EEFSEC: variants seen among roughly 807,000 people sequenced by gnomAD.
EEFSEC encodes the protein eukaryotic elongation factor, selenocysteine-tRNA specific.
In EEFSEC, 43 loss-of-function variants were observed where a neutral mutation model predicts 42.1. The observed-to-expected ratio is 1.02, with a 90% CI of 0.80 to 1.32. EEFSEC has a LOEUF of 1.32. Among genes scored for constraint, EEFSEC ranks in the 40% most tolerant of loss-of-function variants. The pLI is 0.00. For missense variants in EEFSEC, 745 were observed against 803.6 expected, an observed-to-expected ratio of 0.93 and a Z score of 0.88; for synonymous variants, 354 against 339.1, an observed-to-expected ratio of 1.04 and a Z score of -0.48.
chr3:128,399,062 T>C (rs1011884851), intron 6 of EEFSEC, among the ~76,000 whole-genome samples: 1 of 151,316 alleles, frequency 6.6e-6, no homozygotes, highest in Non-Finnish European at 1.5e-5. Context: ...AATGGATTTG[T>C]TTTTTGCCTT....
intron 1 of EEFSEC, among the ~76,000 whole-genome samples, chr3:128,202,754 A>T (rs2065656047): frequency 6.6e-6 from 1 of 152,210 alleles, no homozygotes; most frequent in South Asian, 2.1e-4. Flanking sequence ...AAATCATTTC[A>T]TATTTCTCTA....
chr3:128,240,950 C>T (rs377074445), intron 1 of EEFSEC, among the ~76,000 whole-genome samples: 2 of 152,230 alleles, frequency 1.3e-5, no homozygotes, highest in African/African-American at 2.4e-5. Flanking sequence ...ATAAGGCTCT[C>T]GCCCTGGAGT....
intron 5 of EEFSEC, among the ~76,000 whole-genome samples, chr3:128,354,129 C>T (rs987658589): frequency 3.9e-5 from 6 of 152,098 alleles, no homozygotes; most frequent in Non-Finnish European, 8.8e-5. Flanking sequence ...AGGCAGAAGA[C>T]GCCAGCACTC....
intron 4 of EEFSEC, among the ~76,000 whole-genome samples, chr3:128,299,398 C>T (rs1265331717): frequency 6.6e-6 from 1 of 152,114 alleles, no homozygotes; most frequent in African/African-American, 2.4e-5. Flanking sequence ...GTCTTTTGCC[C>T]ATTATTCATC....
chr3:128,381,467 C>T (rs893370449), intron 6 of EEFSEC, among the ~76,000 whole-genome samples: 1 of 152,236 alleles, frequency 6.6e-6, no homozygotes, highest in Non-Finnish European at 1.5e-5. Context: ...GATGATGTCT[C>T]ATGAGGCAAG....
intron 5 of EEFSEC, among the ~76,000 whole-genome samples, chr3:128,346,077 CTG>C (rs2067309306): frequency 1.3e-5 from 2 of 152,332 alleles, no homozygotes; most frequent in African/African-American, 4.8e-5. Flanking sequence ...CCTCTGCAGA[CTG>C]TGTTTTTATT....
At chr3:128,250,814 A>G (rs1033385316) in intron 2 of EEFSEC, among the ~76,000 whole-genome samples, 1 of 151,142 alleles carries the variant, frequency 6.6e-6, no homozygotes, top group Non-Finnish European at 1.5e-5. Context: ...GAATCTGTAG[A>G]TCTCTTTGGG....
At chr3:128,216,381 G>C (rs114614525) in intron 1 of EEFSEC, among the ~76,000 whole-genome samples, 91 of 152,300 alleles carry the variant, frequency 6.0e-4, no homozygotes, top group African/African-American at 2.1e-3. Context: ...TTGATTGGTT[G>C]TAGAAGCCGA....
intron 4 of EEFSEC, among the ~76,000 whole-genome samples, chr3:128,288,097 G>A (rs1160606521): frequency 1.3e-5 from 2 of 152,004 alleles, no homozygotes; most frequent in African/African-American, 2.4e-5. Flanking sequence ...TTCCAGTGAC[G>A]AACACTTCTG....
chr3:128,370,138 T>G (rs1205336053), intron 6 of EEFSEC, among the ~76,000 whole-genome samples: 12 of 152,222 alleles, frequency 7.9e-5, no homozygotes, highest in Non-Finnish European at 1.5e-5. Context: ...TGTTTCCCAG[T>G]GCACTCTTTG....
At chr3:128,329,029 C>T (rs1334439547) in intron 4 of EEFSEC, among the ~76,000 whole-genome samples, 1 of 152,196 alleles carries the variant, frequency 6.6e-6, no homozygotes, top group Non-Finnish European at 1.5e-5. Flanking sequence ...CACCCCGCCT[C>T]TCACCCTCCT....
intron 6 of EEFSEC, among the ~76,000 whole-genome samples, chr3:128,404,879 T>C (rs115480986): frequency 0.017 from 2,562 of 152,234 alleles, 39 homozygotes; most frequent in Admixed American, 0.03. Context: ...ATGTCCTCAG[T>C]CTTCCCAGGG....
chr3:128,157,683 G>A (rs1255658045), intron 1 of EEFSEC, among the ~76,000 whole-genome samples: 1 of 152,198 alleles, frequency 6.6e-6, no homozygotes, highest in Non-Finnish European at 1.5e-5. Context: ...TAAGCCCACT[G>A]TTGAGACCTA....
the EEFSEC span, among the ~76,000 whole-genome samples, chr3:128,423,921 C>T: frequency 3.3e-5 from 5 of 152,306 alleles, no homozygotes; most frequent in South Asian, 2.1e-4. Context: ...ACCCTTGCAG[C>T]GGGTGGTTCA....
At chr3:128,189,025 C>T (rs912817445) in intron 1 of EEFSEC, among the ~76,000 whole-genome samples, 1 of 152,140 alleles carries the variant, frequency 6.6e-6, no homozygotes, top group African/African-American at 2.4e-5. Flanking sequence ...GTGCCCAGTA[C>T]CTTTACATGG....
intron 6 of EEFSEC, among the ~76,000 whole-genome samples, chr3:128,403,925 C>T (rs992707367): frequency 1.3e-5 from 2 of 152,232 alleles, no homozygotes; most frequent in Non-Finnish European, 2.9e-5. Context: ...TCTGTGCCTT[C>T]TTAGATGAGT....
chr3:128,154,895 G>A (rs866841683), intron 1 of EEFSEC, among the ~76,000 whole-genome samples: 1 of 152,152 alleles, frequency 6.6e-6, no homozygotes, highest in South Asian at 2.1e-4. Flanking sequence ...AACTGGCTGG[G>A]GCAAGGGGCA....
intron 5 of EEFSEC, among the ~76,000 whole-genome samples, chr3:128,355,276 G>T (rs190522586): frequency 1.3e-5 from 2 of 152,272 alleles, no homozygotes; most frequent in East Asian, 3.9e-4. Context: ...AGAACAGAGG[G>T]ATCTTGGCCT....
chr3:128,400,958 C>A (rs2068041792), intron 6 of EEFSEC, among the ~76,000 whole-genome samples: 1 of 152,188 alleles, frequency 6.6e-6, no homozygotes, highest in Non-Finnish European at 1.5e-5. Context: ...AGCAGTGTTG[C>A]CCCCAGGGTC....
Sources: allele counts gnomAD v4.1 joint callset (sites outside exome capture counted in the v4.1 genomes callset), GRCh38; gene constraint gnomAD v4.1.1; transcripts MANE v1.5; gene names NCBI Gene and HGNC (gene_info 2026-07-23, HGNC 2026-07-21).